The following LRTM3 variants were observed in gnomAD, a reference collection of about 807,000 sequenced individuals.
LRTM3 encodes leucine rich repeat transmembrane protein 3.
At chr13:102,745,676 GTC>G in the LRTM3 span, 3 of 1,551,006 alleles carry the variant, frequency 1.9e-6, no homozygotes, top group Non-Finnish European at 2.6e-6. Context: ...AAAAATCGCT[GTC>G]TCTTTCTTTT....
At chr13:102,736,234 A>G in the LRTM3 span, 1 of 1,549,490 alleles carries the variant, frequency 6.5e-7, no homozygotes, top group Non-Finnish European at 8.7e-7. Flanking sequence ...TCAGAATCAC[A>G]TGAGGACGTC....
At chr13:102,730,036 C>A in the LRTM3 span, 1 of 1,551,456 alleles carries the variant, frequency 6.4e-7, no homozygotes, top group Admixed American at 2.0e-5. Flanking sequence ...ACTGAATTTC[C>A]GCAGTATTTG....
chr13:102,739,772 G>T, the LRTM3 span: 2 of 1,548,790 alleles, frequency 1.3e-6, no homozygotes, highest in Non-Finnish European at 8.7e-7. Context: ...CCCATCAATT[G>T]TTTCTTTATT....
the LRTM3 span, chr13:102,736,732 T>C: frequency 6.4e-7 from 1 of 1,550,646 alleles, no homozygotes; most frequent in Non-Finnish European, 8.7e-7. Context: ...GTGATTTCTC[T>C]GCCTTTACAG....
chr13:102,739,002 C>T, the LRTM3 span: 5 of 1,550,242 alleles, frequency 3.2e-6, no homozygotes, highest in Admixed American at 2.0e-5. Flanking sequence ...ATTGGCTGCT[C>T]ACATTTTTCC....
chr13:102,747,008 A>T, the LRTM3 span: 6 of 1,550,984 alleles, frequency 3.9e-6, no homozygotes, highest in Admixed American at 3.9e-5. Context: ...CTCTGTTTTA[A>T]TCTCCTTCTC....
At chr13:102,737,264 G>C in the LRTM3 span, 17 of 1,550,974 alleles carry the variant, frequency 1.1e-5, no homozygotes, top group Admixed American at 3.1e-4. Flanking sequence ...CTTTGTATGT[G>C]CTATTTTCCC....
At chr13:102,747,770 A>T in the LRTM3 span, 1 of 1,551,210 alleles carries the variant, frequency 6.4e-7, no homozygotes, top group African/African-American at 1.4e-5. Context: ...TGGATCCATC[A>T]TGGGGCATGG....
At chr13:102,738,848 T>C in the LRTM3 span, 1 of 1,550,612 alleles carries the variant, frequency 6.4e-7, no homozygotes, top group Non-Finnish European at 8.7e-7. Context: ...GATGTTCAAC[T>C]CTAATTCTTG....
the LRTM3 span, chr13:102,739,442 C>T: frequency 1.3e-6 from 2 of 1,550,272 alleles, no homozygotes; most frequent in East Asian, 2.4e-5. Context: ...TGGAAGGCAG[C>T]CCTTTAGAGT....
chr13:102,736,410 T>C, the LRTM3 span: 4 of 1,551,118 alleles, frequency 2.6e-6, no homozygotes, highest in Middle Eastern at 1.7e-4. Flanking sequence ...ATGGATACTG[T>C]TTGTACTCTG....
chr13:102,754,349 A>G, the LRTM3 span, among the ~76,000 whole-genome samples: 1 of 152,218 alleles, frequency 6.6e-6, no homozygotes, highest in Admixed American at 6.6e-5. Flanking sequence ...ACCTCCTGAC[A>G]TATAATTTAT....
At chr13:102,731,879 C>T in the LRTM3 span, 194 of 1,549,080 alleles carry the variant, frequency 1.3e-4, 1 homozygote, top group African/African-American at 2.3e-3. Context: ...TGTCAGAATG[C>T]GTTTTAGAAT....
the LRTM3 span, chr13:102,729,884 G>A: frequency 6.4e-7 from 1 of 1,551,884 alleles, no homozygotes; most frequent in Non-Finnish European, 8.7e-7. Flanking sequence ...TTGGCTTTCT[G>A]GGTGCCTGTG....
At chr13:102,734,871 G>T in the LRTM3 span, 1 of 1,551,018 alleles carries the variant, frequency 6.4e-7, no homozygotes, top group Non-Finnish European at 8.7e-7. Context: ...CTTACTATTT[G>T]CACGTCATCC....
chr13:102,730,440 C>T, the LRTM3 span: 1 of 1,551,140 alleles, frequency 6.4e-7, no homozygotes, highest in Non-Finnish European at 8.7e-7. Context: ...GAACCAGTAG[C>T]ATTTCTCTGG....
At chr13:102,737,224 TAC>T in the LRTM3 span, 1 of 1,551,120 alleles carries the variant, frequency 6.4e-7, no homozygotes, top group Admixed American at 2.0e-5. Flanking sequence ...GTACTGTTTT[TAC>T]ATCATTTGAG....
chr13:102,745,912 A>G, the LRTM3 span: 1 of 1,551,086 alleles, frequency 6.4e-7, no homozygotes, highest in Non-Finnish European at 8.7e-7. Flanking sequence ...GAATATTTGT[A>G]CTTCCTGGTT....
At chr13:102,742,695 C>G in the LRTM3 span, 2 of 1,550,656 alleles carry the variant, frequency 1.3e-6, no homozygotes. Flanking sequence ...GATTGCTTTG[C>G]CTGCAAAGGT....
Sources: gnomAD v4.1 joint callset for allele counts (sites outside exome capture counted in the v4.1 genomes callset) on GRCh38, gnomAD v4.1.1 for gene constraint, MANE v1.5 for transcripts, NCBI Gene and HGNC (gene_info 2026-07-23, HGNC 2026-07-21) for gene names.